Variants in DIAPH3 observed in about 807,000 individuals in gnomAD.
The protein encoded by DIAPH3 is diaphanous related formin 3, also known as protein diaphanous homolog 3.
Under a neutral mutation model 144.3 loss-of-function variants are expected in DIAPH3, and 117 were observed. The observed-to-expected ratio is 0.81, with a 90% CI of 0.70 to 0.95. DIAPH3 has a LOEUF of 0.95. Ranked by LOEUF, DIAPH3 falls within the 40% of genes least tolerant of loss-of-function variation. The pLI, the probability that DIAPH3 is intolerant of heterozygous loss-of-function variation, is 0.00. For missense variants in DIAPH3, 1,421 were observed against 1,412.7 expected (o/e 1.01, Z -0.09); for synonymous variants, 519 against 488.9 (o/e 1.06, Z -0.81).
chr13:59,668,239 C>T (rs2032136073), intron 27 of DIAPH3, among the ~76,000 whole-genome samples: 1 of 152,168 alleles, frequency 6.6e-6, no homozygotes, highest in African/African-American at 2.4e-5. Flanking sequence ...CCTGCAGTTC[C>T]TATGACCACA....
At chr13:59,936,797 A>G (rs946567428) in intron 17 of DIAPH3, among the ~76,000 whole-genome samples, 4 of 152,206 alleles carry the variant, frequency 2.6e-5, no homozygotes, top group Non-Finnish European at 5.9e-5. Flanking sequence ...TACTTCTAGT[A>G]TCTGGCCCCT....
rs928181407 is a variant in DIAPH3 at position 59,857,639 on chromosome 13, G to A, written c.2737+3768C>T. Reference sequence around the variant, plus strand: ...ACAGCTGTCCCAGGAATAATCCCTGGTCTAGAGCAGCAGTTCCTAAAGTAT... The same window carrying A: ...ACAGCTGTCCCAGGAATAATCCCTGATCTAGAGCAGCAGTTCCTAAAGTAT... On this transcript the variant is annotated intron_variant, in intron 22 of 27. Transcript: ENST00000400324. 1.1e-4 allele frequency among the ~76,000 whole-genome samples: 16 copies of A among 152,232 alleles called. No homozygotes were observed. In the East Asian group the frequency reaches 2.5e-3, roughly 24 times the overall value.
At chr13:60,008,827 A>G (rs1330405837) in intron 8 of DIAPH3, among the ~76,000 whole-genome samples, 178 bp from the exon 9 acceptor site, 2 of 152,240 alleles carry the variant, frequency 1.3e-5, no homozygotes, top group African/African-American at 4.8e-5. Flanking sequence ...TTAATCATTT[A>G]TCCCTGACAA....
chr13:59,774,863 G>T, intron 25 of DIAPH3, 40 bp from the exon 26 acceptor site: 1 of 1,538,132 alleles, frequency 6.5e-7, no homozygotes, highest in Non-Finnish European at 9.0e-7. Flanking sequence ...AGCCCTCAGG[G>T]TTACCATAGC....
At chr13:60,092,824 A>G (rs1448291901) in intron 4 of DIAPH3, among the ~76,000 whole-genome samples, 1 of 152,234 alleles carries the variant, frequency 6.6e-6, no homozygotes, top group Non-Finnish European at 1.5e-5. Flanking sequence ...AAGTGGAGTT[A>G]AAGTATAAAT....
At chr13:60,112,391 G>C (rs1283148289) in intron 2 of DIAPH3, among the ~76,000 whole-genome samples, 2 of 152,178 alleles carry the variant, frequency 1.3e-5, no homozygotes, top group Non-Finnish European at 2.9e-5. Context: ...AGATTGAAGA[G>C]AGCTCAGACA....
At chr13:59,771,172 T>C (rs1163886020) in intron 27 of DIAPH3, among the ~76,000 whole-genome samples, 1 of 152,050 alleles carries the variant, frequency 6.6e-6, no homozygotes, top group South Asian at 2.1e-4. Flanking sequence ...TCTCTCTATA[T>C]ATAAAAAGAA....
At chr13:59,976,877 C>T (rs180904797) in intron 14 of DIAPH3, among the ~76,000 whole-genome samples, 1 of 151,826 alleles carries the variant, frequency 6.6e-6, no homozygotes, top group East Asian at 1.9e-4. Context: ...GACGAAAAAA[C>T]ATATTTTCAA....
intron 27 of DIAPH3, among the ~76,000 whole-genome samples, chr13:59,693,760 C>T (rs1384249809): frequency 2.0e-5 from 3 of 152,006 alleles, no homozygotes; most frequent in African/African-American, 7.2e-5. Flanking sequence ...TTCTTACTTG[C>T]AGAATAAACT....
chr13:60,156,935 ATATATTTTTTTTTTTTTTTT>A lies in DIAPH3; in HGVS notation c.180+6632_180+6651del, dbSNP rs1362749080. ...AGATCCTTCATATATATATATATAT[ATATATTTTTTTTTTTTTTTT>A]TTTTGAGACAGAGGAGTCTCACTCT... On this transcript the variant is annotated intron_variant, in intron 1 of 27. Coordinates refer to ENST00000400324, the MANE Select transcript of DIAPH3 (RefSeq NM_001042517.2). Among the ~76,000 whole-genome samples, 8 of 52,490 alleles carry A rather than the reference ATATATTTTTTTTTTTTTTTT, an allele frequency of 1.5e-4. 2 individuals carry two copies. The highest frequency in any genetic ancestry group is 1.7e-4 in the African/African-American group (2 of 11,528). The allele number at this position is 52,490 out of a possible 152,430, so 34.4% of individuals were successfully genotyped here. A position where few individuals can be genotyped will look rare whatever the true frequency, so the allele number is the denominator to read the frequency against.
At chr13:60,047,327 T>C (rs972999654) in intron 4 of DIAPH3, among the ~76,000 whole-genome samples, 4 of 152,096 alleles carry the variant, frequency 2.6e-5, no homozygotes, top group African/African-American at 9.7e-5. Flanking sequence ...ATCAAGTGTT[T>C]TGTAGAAATT....
chr13:59,774,520 T>A (rs1455733124), intron 26 of DIAPH3, among the ~76,000 whole-genome samples: 1 of 152,240 alleles, frequency 6.6e-6, no homozygotes, highest in Non-Finnish European at 1.5e-5. Flanking sequence ...CATTGATTTG[T>A]TAATGTGCTA....
chr13:60,028,880 G>A (rs1381738788), intron 5 of DIAPH3, among the ~76,000 whole-genome samples: 1 of 152,046 alleles, frequency 6.6e-6, no homozygotes, highest in African/African-American at 2.4e-5. Context: ...CCAACATGGT[G>A]AAACCCCATC....
At chr13:59,707,997 A>C (rs2034521573) in intron 27 of DIAPH3, among the ~76,000 whole-genome samples, 1 of 151,910 alleles carries the variant, frequency 6.6e-6, no homozygotes, top group Non-Finnish European at 1.5e-5. Context: ...AAAAAAAAAA[A>C]ACAAAAAACC....
At chr13:59,953,433 T>C (rs958496268) in intron 17 of DIAPH3, among the ~76,000 whole-genome samples, 19 of 152,098 alleles carry the variant, frequency 1.2e-4, no homozygotes, top group African/African-American at 4.3e-4. Context: ...ACATGGAATG[T>C]GGAGGACAGG....
At chr13:59,987,490 G>GAAAAAAAAAAAAAAAAAAAAAAAAA (rs58336587) in intron 12 of DIAPH3, among the ~76,000 whole-genome samples, 1 of 66,296 alleles carries the variant, frequency 1.5e-5, no homozygotes, top group Non-Finnish European at 3.1e-5. Flanking sequence ...AAAAAAAAAA[G>GAAAAAAAAAAAAAAAAAAAAAAAAA]AAAAAAAAAA....
At chr13:59,736,392 TTAC>T (rs1312308190) in intron 27 of DIAPH3, among the ~76,000 whole-genome samples, 9 of 152,200 alleles carry the variant, frequency 5.9e-5, no homozygotes, top group Non-Finnish European at 1.0e-4. Context: ...CTGAGCTAAT[TTAC>T]ACTTCCACCA....
At chr13:60,069,437 T>A (rs540226688) in intron 4 of DIAPH3, among the ~76,000 whole-genome samples, 16 of 152,312 alleles carry the variant, frequency 1.1e-4, no homozygotes, top group African/African-American at 3.8e-4. Flanking sequence ...GTCTGTTTAC[T>A]CTCTTGATGG....
intron 27 of DIAPH3, among the ~76,000 whole-genome samples, chr13:59,677,739 T>C (rs1383553496): frequency 6.6e-6 from 1 of 152,180 alleles, no homozygotes; most frequent in Non-Finnish European, 1.5e-5. Flanking sequence ...TATAAACAAG[T>C]GAAAATGAAT....
Sources: allele counts gnomAD v4.1 joint callset (sites outside exome capture counted in the v4.1 genomes callset), GRCh38; gene constraint gnomAD v4.1.1; transcripts MANE v1.5; gene names NCBI Gene and HGNC (gene_info 2026-07-23, HGNC 2026-07-21).